The following NCOR2 variants were observed in gnomAD, a reference collection of about 807,000 sequenced individuals.
NCOR2 encodes nuclear receptor corepressor 2.
Under a neutral mutation model 262.9 loss-of-function variants are expected in NCOR2, and 81 were observed. The ratio of observed to expected loss-of-function variants is 0.31; its 90% confidence interval spans 0.26 to 0.37. NCOR2 has a LOEUF of 0.37. Ranked by LOEUF, NCOR2 falls within the 10% of genes least tolerant of loss-of-function variation. The pLI is 1.00. For synonymous variants in NCOR2, 1,659 were observed against 1,559.3 expected (o/e 1.06, Z -1.51); for missense variants, 3,385 against 3,621.4 (o/e 0.93, Z 1.68).
chr12:124,498,576 C>T (rs554443888), upstream of NCOR2, among the ~76,000 whole-genome samples: 1 of 151,792 alleles, frequency 6.6e-6, no homozygotes, highest in African/African-American at 2.4e-5. Flanking sequence ...CCTGCCAACT[C>T]GAAAAAAAAC....
rs2044048626 is a variant in NCOR2, at chr12:124,432,865, GC to G, written c.883-2079del. Among the ~76,000 whole-genome samples, 1 of 148,880 alleles carries G rather than the reference GC, an allele frequency of 6.7e-6. No individual in the cohort carries two copies. The highest frequency in any genetic ancestry group is 1.5e-5 in the Non-Finnish European group (1 of 66,754). ...TGACTTGAGCAAGTGGCGGCGGGGG[GC>G]GGGGGGTGGGGGCGGGGAAGGGGAC... On this transcript the variant is annotated intron_variant, in intron 8 of 46. Transcript: ENST00000405201. This position sits in a 1 kb window ranked among gnomAD's most constrained non-coding sequence, Gnocchi z 5.1.
chr12:124,497,187 C>T (rs1042800367), upstream of NCOR2, among the ~76,000 whole-genome samples: 1 of 152,182 alleles, frequency 6.6e-6, no homozygotes. This position sits in a 1 kb window ranked among gnomAD's most constrained non-coding sequence, Gnocchi z 4.2. Flanking sequence ...GAGGAGGCCA[C>T]CCCTTCAACT....
chr12:124,486,605 G>A (rs1269428227), intron 1 of NCOR2, 37 bp from the exon 4 acceptor site: 8 of 1,539,574 alleles, frequency 5.2e-6, no homozygotes, highest in Non-Finnish European at 7.0e-6. Flanking sequence ...AGCGTGGGCG[G>A]GCACGGGCAT....
chr12:124,358,360 AGG>A (rs1168104664), intron 22 of NCOR2, among the ~76,000 whole-genome samples: 1 of 148,292 alleles, frequency 6.7e-6, no homozygotes, highest in Non-Finnish European at 1.5e-5. Context: ...ATGTTGAAGG[AGG>A]TAACCTGTGA....
In NCOR2 at chr12:124,486,574, G is replaced by GGAGGGGACAGAGGAGTGGTGAGCGT; in HGVS notation, c.106-31_106-7dup. ...TACTCCAGGAGCCCGACGTCCTGCA[G>GGAGGGGACAGAGGAGTGGTGAGCGT]GAGGGGACAGAGGAGTGGTGAGCGT... On this transcript the variant is annotated splice_region_variant and splice_polypyrimidine_tract_variant and intron_variant, in intron 1 of 46. Coordinates refer to ENST00000405201, the Ensembl canonical transcript of NCOR2. 1 of 1,564,370 alleles carries GGAGGGGACAGAGGAGTGGTGAGCGT rather than the reference G, an allele frequency of 6.4e-7. No homozygotes were observed. The highest frequency in any genetic ancestry group is 8.6e-7 in the Non-Finnish European group (1 of 1,156,184).
At chr12:124,429,185 C>A (rs554169334) in intron 10 of NCOR2, among the ~76,000 whole-genome samples, 48 of 152,266 alleles carry the variant, frequency 3.2e-4, no homozygotes, top group Admixed American at 1.5e-3. Flanking sequence ...ATGCTCCCCC[C>A]ACCCTGCCAG....
chr12:124,478,624 C>T (rs965202714), intron 3 of NCOR2, among the ~76,000 whole-genome samples: 3 of 152,060 alleles, frequency 2.0e-5, no homozygotes, highest in African/African-American at 7.2e-5. Context: ...CTCTTCACGG[C>T]CTGGAGCAAT....
In NCOR2 at chr12:124,333,244, C is replaced by CAT; in HGVS notation, c.6640_6641insAT (p.Gly2214AspfsTer16). The CAT allele has an allele frequency of 6.2e-7, 1 of 1,611,902 alleles. No homozygotes were observed. Among genetic ancestry groups the CAT allele is most frequent in the Non-Finnish European group, 8.5e-7 (1 of 1,179,252 alleles). ...CACAGGTTCAATACCGTCCTCACCACCACCCAAGACCGACGTCTTGTTTGG... is the reference window on the plus strand; with the variant it reads ...CACAGGTTCAATACCGTCCTCACCACATCACCCAAGACCGACGTCTTGTTTGG... On this transcript the variant is annotated frameshift_variant, in exon 42 of 47. Coordinates refer to ENST00000405201, the Ensembl canonical transcript of NCOR2. LOFTEE classifies it high-confidence loss of function.
At chr12:124,492,475 G>A (rs1593805602) in intron 1 of NCOR2, among the ~76,000 whole-genome samples, 1 of 152,190 alleles carries the variant, frequency 6.6e-6, no homozygotes, top group Non-Finnish European at 1.5e-5. Flanking sequence ...CAGACAGGAG[G>A]AGCTGTCCCA....
chr12:124,546,354 G>A (rs1170175193), intron 1 of NCOR2, among the ~76,000 whole-genome samples: 1 of 152,220 alleles, frequency 6.6e-6, no homozygotes, highest in Non-Finnish European at 1.5e-5. Context: ...TTTCAGTATG[G>A]TGGTCTGAAA....
chr12:124,345,608 G>A (rs750529049), intron 31 of NCOR2, among the ~76,000 whole-genome samples: 2 of 152,196 alleles, frequency 1.3e-5, no homozygotes, highest in African/African-American at 2.4e-5. Context: ...CATTACTGTC[G>A]TAAGAAGGGG....
chr12:124,479,516 T>TGCGCGC (rs1292706661), intron 3 of NCOR2, among the ~76,000 whole-genome samples: 8 of 147,006 alleles, frequency 5.4e-5, no homozygotes, highest in African/African-American at 2.0e-4. Flanking sequence ...CACACGCACA[T>TGCGCGC]GCGCGCACAC....
chr12:124,464,636 A>G (rs796961288), intron 5 of NCOR2, among the ~76,000 whole-genome samples: 7 of 152,358 alleles, frequency 4.6e-5, no homozygotes, highest in African/African-American at 1.2e-4. Context: ...AATGACAATT[A>G]ATAGCACCAG....
intron 1 of NCOR2, among the ~76,000 whole-genome samples, chr12:124,564,043 G>C (rs926853004): frequency 6.6e-6 from 1 of 152,250 alleles, no homozygotes; most frequent in Non-Finnish European, 1.5e-5. Context: ...CCAACTCATA[G>C]AGGAGTTATG....
At chr12:124,456,990 TG>T in intron 6 of NCOR2, 115 bp downstream of exon 8, 2 of 776,004 alleles carry the variant, frequency 2.6e-6, no homozygotes, top group African/African-American at 2.1e-5. Flanking sequence ...GGACGCCGCC[TG>T]GGCAGCGCTT....
At chr12:124,430,575 G>A (rs111551668) in intron 9 of NCOR2, 40 bp downstream of exon 11, 3 of 1,572,312 alleles carry the variant, frequency 1.9e-6, no homozygotes, top group Non-Finnish European at 2.6e-6. Context: ...GCTGACCCCG[G>A]GCCCTGACGT....
chr12:124,382,880 T>A (rs1280614731), intron 17 of NCOR2, among the ~76,000 whole-genome samples: 1 of 152,224 alleles, frequency 6.6e-6, no homozygotes, highest in African/African-American at 2.4e-5. Context: ...TGGGTCCCAT[T>A]CTTATCCCCA....
exon 10 of NCOR2, chr12:124,429,649 C>T (rs1210094411): frequency 1.2e-6 from 2 of 1,609,454 alleles, no homozygotes; most frequent in Non-Finnish European, 1.7e-6. Flanking sequence ...TCTCTGACAC[C>T]TCGTGCTCGC....
At chr12:124,467,892 CT>C (rs2046555791) in intron 4 of NCOR2, among the ~76,000 whole-genome samples, 2 of 23,128 alleles carry the variant, frequency 8.6e-5, no homozygotes, top group Admixed American at 4.0e-4. Flanking sequence ...CCTCATCACC[CT>C]CTTCACCCTC....
Sources: gnomAD v4.1 joint callset for allele counts (sites outside exome capture counted in the v4.1 genomes callset) on GRCh38, gnomAD v4.1.1 for gene constraint, Gnocchi (gnomAD v3.1) non-coding constraint, MANE v1.5 for transcripts, NCBI Gene and HGNC (gene_info 2026-07-23, HGNC 2026-07-21) for gene names.